The following SH3D19 variants were observed in gnomAD, a reference collection of about 807,000 sequenced individuals.
SH3D19 encodes the protein SH3 domain containing 19, also known as SH3 domain-containing protein 19.
In SH3D19, 58 loss-of-function variants were observed where a neutral mutation model predicts 112.1. That is an observed-to-expected ratio of 0.52 (90% confidence interval 0.42 to 0.64). The LOEUF (loss-of-function observed/expected upper bound fraction) is 0.64. SH3D19 is among the 30% of genes least tolerant of loss of function. The pLI, the probability that SH3D19 is intolerant of heterozygous loss-of-function variation, is 0.00. For synonymous variants in SH3D19, 391 were observed against 448.5 expected, an observed-to-expected ratio of 0.87 and a Z score of 1.62; for missense variants, 1,090 against 1,263.4, an observed-to-expected ratio of 0.86 and a Z score of 2.08.
chr4:151,283,398 G>T, intron 1 of SH3D19: 3 of 836,410 alleles, frequency 3.6e-6, no homozygotes, highest in Admixed American at 2.6e-5. Flanking sequence ...AGGGTTCTAA[G>T]AATAACTCTT....
intron 6 of SH3D19, among the ~76,000 whole-genome samples, chr4:151,176,136 CGTT>C (rs1260942175): frequency 1.3e-5 from 2 of 152,106 alleles, no homozygotes; most frequent in Admixed American, 1.3e-4. Context: ...TCTCCTAAAG[CGTT>C]GGGATTAAAG....
chr4:151,229,619 A>C (rs1769440277), intron 1 of SH3D19, among the ~76,000 whole-genome samples: 1 of 152,226 alleles, frequency 6.6e-6, no homozygotes, highest in East Asian at 1.9e-4. Context: ...CAAAGACAGA[A>C]AACAAGGCAG....
rs781239069 is a variant in SH3D19, at chr4:151,277,201, T to C, written c.112+48040A>G. 4 of 1,501,824 alleles carry C rather than the reference T, an allele frequency of 2.7e-6. No individual in the cohort carries two copies. The African/African-American group carries it at 4.2e-5, about 16-fold the overall frequency. 93.0% of individuals were successfully genotyped at this position (1,501,824 alleles called of 1,614,324 possible). A position where few individuals can be genotyped will look rare whatever the true frequency, so the allele number is the denominator to read the frequency against. On this transcript the variant is annotated intron_variant, in intron 1 of 19. Coordinates refer to ENST00000604030, the MANE Select transcript of SH3D19 (RefSeq NM_001378122.1). Reference sequence around the variant, plus strand: ...GGCCCTGCTGGCTGTGCCTTCACGCTGCTCCTTCTGCTGGGGATCTCAGGT... The same window carrying C: ...GGCCCTGCTGGCTGTGCCTTCACGCCGCTCCTTCTGCTGGGGATCTCAGGT...
At chr4:151,190,191 T>C (rs1327827138) in intron 2 of SH3D19, among the ~76,000 whole-genome samples, 4 of 152,192 alleles carry the variant, frequency 2.6e-5, no homozygotes, top group Non-Finnish European at 5.9e-5. Flanking sequence ...CAGCAAAGCA[T>C]TCAAAAAGTC....
intron 9 of SH3D19, among the ~76,000 whole-genome samples, chr4:151,152,772 G>T (rs1182977103): frequency 6.6e-6 from 1 of 151,622 alleles, no homozygotes; most frequent in Non-Finnish European, 1.5e-5. Flanking sequence ...ACCTGCCTCG[G>T]ACTCCCAAAG....
At chr4:151,286,022 C>A (rs1774720988) in intron 1 of SH3D19, among the ~76,000 whole-genome samples, 2 of 148,428 alleles carry the variant, frequency 1.3e-5, no homozygotes, top group Admixed American at 6.7e-5. Context: ...ACAGTGAGAC[C>A]CTATCTCTAA....
At chr4:151,257,824 G>A (rs1468217241) in intron 1 of SH3D19, among the ~76,000 whole-genome samples, 15 of 152,110 alleles carry the variant, frequency 9.9e-5, no homozygotes, top group Admixed American at 9.8e-4. Flanking sequence ...AGGGAGGATC[G>A]CTTGAGCCTG....
intron 1 of SH3D19, among the ~76,000 whole-genome samples, chr4:151,276,369 T>C (rs1773626217): frequency 6.6e-6 from 1 of 152,160 alleles, no homozygotes; most frequent in Admixed American, 6.5e-5. Flanking sequence ...CCTTAGCAGC[T>C]AGGAGTGTTG....
At chr4:151,165,553 T>C in intron 8 of SH3D19, 36 bp downstream of exon 8, 1 of 1,495,938 alleles carries the variant, frequency 6.7e-7, no homozygotes, top group South Asian at 1.2e-5. Flanking sequence ...CCCAGCCTCT[T>C]GAAGAAGCTA....
At chr4:151,187,043 C>T (rs769494789) in intron 3 of SH3D19, among the ~76,000 whole-genome samples, 2 of 151,952 alleles carry the variant, frequency 1.3e-5, no homozygotes, top group East Asian at 3.9e-4. Flanking sequence ...ATCCGCCTGC[C>T]TTGGCCTCCC....
At chr4:151,148,286 C>CAGAG in intron 10 of SH3D19, 100 bp from the exon 11 acceptor site, 1 of 825,790 alleles carries the variant, frequency 1.2e-6, no homozygotes, top group East Asian at 2.8e-5. Flanking sequence ...CACACACACA[C>CAGAG]ACAGAGACAC....
At chr4:151,144,515 G>A in intron 11 of SH3D19, 1 of 535,946 alleles carries the variant, frequency 1.9e-6, no homozygotes, top group East Asian at 3.0e-5. Context: ...AGCTAAACAT[G>A]GCCTAACATT....
chr4:151,185,997 G>A (rs1045842834), intron 3 of SH3D19, among the ~76,000 whole-genome samples: 1 of 151,964 alleles, frequency 6.6e-6, no homozygotes, highest in Non-Finnish European at 1.5e-5. Context: ...ACAAGATCGC[G>A]CCACTGCAGT....
chr4:151,301,539 G>T (rs921050828), intron 1 of SH3D19, among the ~76,000 whole-genome samples: 2 of 151,992 alleles, frequency 1.3e-5, no homozygotes, highest in Non-Finnish European at 1.5e-5. Context: ...AGATCTGCTT[G>T]TTTTAAAGGT....
chr4:151,269,863 A>T (rs1040255934), intron 1 of SH3D19, among the ~76,000 whole-genome samples: 1 of 152,010 alleles, frequency 6.6e-6, no homozygotes, highest in African/African-American at 2.4e-5. Context: ...CAAAAAAACT[A>T]AGACACAAGC....
chr4:151,287,316 C>G (rs6835206), intron 1 of SH3D19, among the ~76,000 whole-genome samples: 129,640 of 142,334 alleles, frequency 0.91, 59,346 homozygotes, highest in Non-Finnish European at 0.97. Flanking sequence ...ACTCCAGCCT[C>G]GGTTACAGAG....
At chr4:151,268,457 ATACTT>A (rs1458471290) in intron 1 of SH3D19, among the ~76,000 whole-genome samples, 3 of 151,906 alleles carry the variant, frequency 2.0e-5, no homozygotes, top group African/African-American at 7.3e-5. Context: ...TATTATTATT[ATACTT>A]TAAGTTTTAG....
At chr4:151,214,593 C>T (rs1766655094) in intron 2 of SH3D19, among the ~76,000 whole-genome samples, 1 of 139,638 alleles carries the variant, frequency 7.2e-6, no homozygotes, top group South Asian at 2.4e-4. Flanking sequence ...GGGGCTGACC[C>T]CCCACCTCCC....
chr4:151,265,797 T>A (rs967739881), intron 1 of SH3D19, among the ~76,000 whole-genome samples: 1 of 151,928 alleles, frequency 6.6e-6, no homozygotes, highest in Non-Finnish European at 1.5e-5. Flanking sequence ...CTTGCCCAGG[T>A]TGGTAATGAA....
Sources: gnomAD v4.1 joint callset for allele counts (sites outside exome capture counted in the v4.1 genomes callset) on GRCh38, gnomAD v4.1.1 for gene constraint, MANE v1.5 for transcripts, NCBI Gene and HGNC (gene_info 2026-07-23, HGNC 2026-07-21) for gene names.